Variants in RAB38 observed in about 807,000 individuals in gnomAD.
RAB38 encodes ras-related protein Rab-38.
In RAB38, 15 loss-of-function variants were observed where a neutral mutation model predicts 18.4. The ratio of observed to expected loss-of-function variants is 0.82; its 90% confidence interval spans 0.55 to 1.26. RAB38 has a LOEUF of 1.26. Ranked by LOEUF, RAB38 falls within the 50% of genes most tolerant of loss-of-function variation. The probability of loss-of-function intolerance (pLI) is 0.00; values close to 1 mark genes in which losing one functional copy is unlikely to be tolerated. For synonymous variants in RAB38, 101 were observed against 104.4 expected (o/e 0.97, Z 0.20); for missense variants, 294 against 267.4 (o/e 1.10, Z -0.69).
At chr11:87,952,609 A>C in the RAB38 span, among the ~76,000 whole-genome samples, 15 of 152,320 alleles carry the variant, frequency 9.8e-5, 1 homozygote, top group East Asian at 2.9e-3. Flanking sequence ...GGTTATACCC[A>C]CAAATCCAAC....
At chr11:87,974,393 G>A in the RAB38 span, among the ~76,000 whole-genome samples, 1 of 151,714 alleles carries the variant, frequency 6.6e-6, no homozygotes, top group African/African-American at 2.4e-5. Context: ...CAGCAGATTT[G>A]ATATTGAAAA....
At chr11:88,022,611 C>CAAAAAAAAAAAAAAAAAAAAAA in the RAB38 span, among the ~76,000 whole-genome samples, 2 of 52,092 alleles carry the variant, frequency 3.8e-5, no homozygotes, top group South Asian at 1.0e-3. Flanking sequence ...AAAGACCCCA[C>CAAAAAAAAAAAAAAAAAAAAAA]AAAAAAAAAA....
At chr11:88,062,538 T>C in the RAB38 span, among the ~76,000 whole-genome samples, 3 of 152,252 alleles carry the variant, frequency 2.0e-5, no homozygotes, top group African/African-American at 7.2e-5. Flanking sequence ...ATTTCTGTTT[T>C]GTAAATTTTA....
the RAB38 span, among the ~76,000 whole-genome samples, chr11:87,841,139 A>G: frequency 6.6e-6 from 1 of 152,164 alleles, no homozygotes; most frequent in African/African-American, 2.4e-5. Flanking sequence ...TGGTACATAT[A>G]TTTTAAAAGT....
chr11:88,158,994 A>G (rs191039881), intron 1 of RAB38, among the ~76,000 whole-genome samples: 14 of 152,158 alleles, frequency 9.2e-5, no homozygotes, highest in African/African-American at 2.4e-4. Context: ...TTTATGGCCA[A>G]TATGATTCTA....
At chr11:88,159,918 G>T (rs780503580) in intron 1 of RAB38, among the ~76,000 whole-genome samples, 4 of 151,928 alleles carry the variant, frequency 2.6e-5, no homozygotes, top group Non-Finnish European at 4.4e-5. Flanking sequence ...CATCAGCCTT[G>T]GGAAATAATT....
chr11:87,920,750 AT>A, the RAB38 span, among the ~76,000 whole-genome samples: 7 of 152,152 alleles, frequency 4.6e-5, no homozygotes, highest in East Asian at 1.4e-3. Flanking sequence ...ATTACTGCAT[AT>A]TATTGTATTG....
At chr11:88,155,105 A>T (rs1193976672) in intron 1 of RAB38, among the ~76,000 whole-genome samples, 1 of 151,850 alleles carries the variant, frequency 6.6e-6, no homozygotes, top group East Asian at 1.9e-4. Flanking sequence ...GAGGTACACA[A>T]CTCACACTTG....
chr11:87,952,001 G>A, the RAB38 span, among the ~76,000 whole-genome samples: 14 of 152,110 alleles, frequency 9.2e-5, no homozygotes, highest in South Asian at 2.1e-4. Flanking sequence ...GTTCCTATTC[G>A]GCCATCCTTG....
chr11:87,837,747 C>G, the RAB38 span, among the ~76,000 whole-genome samples: 1 of 152,184 alleles, frequency 6.6e-6, no homozygotes, highest in African/African-American at 2.4e-5. Flanking sequence ...CTCCAAGTCA[C>G]ACAGATAGTG....
At chr11:87,867,634 G>C in the RAB38 span, among the ~76,000 whole-genome samples, 1 of 151,666 alleles carries the variant, frequency 6.6e-6, no homozygotes, top group South Asian at 2.1e-4. Context: ...AATAACCAGA[G>C]AACTAGAACC....
chr11:87,910,316 T>C, the RAB38 span, among the ~76,000 whole-genome samples: 1 of 152,124 alleles, frequency 6.6e-6, no homozygotes, highest in Non-Finnish European at 1.5e-5. Context: ...TGGGGTTGCA[T>C]GTTTTCTTTT....
the RAB38 span, among the ~76,000 whole-genome samples, chr11:87,843,581 G>C: frequency 6.6e-6 from 1 of 152,064 alleles, no homozygotes; most frequent in Non-Finnish European, 1.5e-5. Flanking sequence ...CACTATTCTT[G>C]GAATCAAAAG....
the RAB38 span, among the ~76,000 whole-genome samples, chr11:87,973,984 A>G: frequency 6.6e-6 from 1 of 151,596 alleles, no homozygotes; most frequent in Non-Finnish European, 1.5e-5. Context: ...AATAAAATCC[A>G]TCATTCTTTA....
chr11:87,976,848 T>A, the RAB38 span, among the ~76,000 whole-genome samples: 5 of 107,334 alleles, frequency 4.7e-5, 1 homozygote, highest in African/African-American at 1.8e-4. Context: ...TATATTGTGT[T>A]ATATAATGTA....
the RAB38 span, among the ~76,000 whole-genome samples, chr11:87,925,454 T>C: frequency 6.6e-6 from 1 of 152,086 alleles, no homozygotes; most frequent in South Asian, 2.1e-4. Context: ...ATAATTGTTT[T>C]TCTAAGGATC....
chr11:88,108,382 T>C (rs1942428281), downstream of RAB38, among the ~76,000 whole-genome samples: 4 of 151,980 alleles, frequency 2.6e-5, 1 homozygote, highest in Admixed American at 1.3e-4. Context: ...ATGCCCTTCT[T>C]TGTCTTTTTT....
the RAB38 span, among the ~76,000 whole-genome samples, chr11:88,090,006 T>A: frequency 6.6e-5 from 10 of 151,952 alleles, no homozygotes; most frequent in Non-Finnish European, 1.3e-4. Context: ...TGGGGGACTA[T>A]AAAGAGACTC....
chr11:88,089,820 A>T, the RAB38 span, among the ~76,000 whole-genome samples: 1 of 151,938 alleles, frequency 6.6e-6, no homozygotes. Flanking sequence ...CCCGCAATGG[A>T]CACAGATTTG....
Sources: allele counts gnomAD v4.1 joint callset (sites outside exome capture counted in the v4.1 genomes callset), GRCh38; gene constraint gnomAD v4.1.1; transcripts MANE v1.5; gene names NCBI Gene and HGNC (gene_info 2026-07-23, HGNC 2026-07-21).